The following ZNF608 variants were observed in gnomAD, a reference collection of about 807,000 sequenced individuals.
ZNF608 encodes the protein zinc finger protein 608.
ZNF608 carries 12 observed loss-of-function variants against 109.0 expected under a neutral mutation model. That is an observed-to-expected ratio of 0.11 (90% CI 0.07 to 0.18). The LOEUF is 0.18. ZNF608 is among the 10% of genes least tolerant of loss of function. The pLI is 1.00. For synonymous variants in ZNF608, 732 were observed against 717.4 expected (o/e 1.02, Z -0.33); for missense variants, 1,707 against 1,879.3 (o/e 0.91, Z 1.70).
At chr5:124,739,074 G>T (rs1267775525) in intron 2 of ZNF608, among the ~76,000 whole-genome samples, 1 of 152,096 alleles carries the variant, frequency 6.6e-6, no homozygotes, top group East Asian at 1.9e-4. Flanking sequence ...CACAACCAGG[G>T]GTCCCTTTCT....
chr5:124,703,611 T>A (rs7711808), intron 2 of ZNF608, among the ~76,000 whole-genome samples: 88,574 of 151,814 alleles, frequency 0.58, 27,197 homozygotes, highest in East Asian at 0.81. Context: ...TATAAAAAAG[T>A]ATTTAAAAAT....
At chr5:124,736,058 T>A (rs1323137646) in intron 2 of ZNF608, among the ~76,000 whole-genome samples, 1 of 151,788 alleles carries the variant, frequency 6.6e-6, no homozygotes, top group Admixed American at 6.6e-5. Flanking sequence ...AAAAAACATG[T>A]TTAATCACCA....
At chr5:124,710,045 C>A in intron 2 of ZNF608, 1 of 258,756 alleles carries the variant, frequency 3.9e-6, no homozygotes, top group Non-Finnish European at 7.8e-6. Flanking sequence ...GCCAATAAAT[C>A]AATTTCAAAA....
chr5:124,736,691 T>C (rs1749169401), intron 2 of ZNF608, among the ~76,000 whole-genome samples: 1 of 151,992 alleles, frequency 6.6e-6, no homozygotes, highest in Non-Finnish European at 1.5e-5. Context: ...GACAAAAAGG[T>C]ATACCAAAAG....
At position 124,637,889 on chromosome 5, in the gene ZNF608, G is replaced by C. The variant is rs1750046657; in HGVS notation, c.*11C>G. On this transcript the variant is annotated 3_prime_UTR_variant, in exon 10 of 10. Coordinates refer to ENST00000513986, the MANE Select transcript of ZNF608 (RefSeq NM_020747.3). ...GATCCAGTCACATGACAATGTACAT[G>C]TCCAATCTTGTTATTCTCTGCAAAA... 1.2e-6 allele frequency: 2 copies of C among 1,610,964 alleles called. No homozygotes were observed. Among genetic ancestry groups the C allele is most frequent in the African/African-American group, 2.7e-5 (2 of 74,756 alleles).
chr5:124,700,182 C>A (rs1752996387), intron 3 of ZNF608, among the ~76,000 whole-genome samples: 1 of 152,188 alleles, frequency 6.6e-6, no homozygotes, highest in African/African-American at 2.4e-5. Flanking sequence ...TCTACTCACT[C>A]CCCAATGGAG....
In ZNF608 at chr5:124,647,108, C is replaced by T; in HGVS notation, c.3276G>A (p.Lys1092=). Residue 1092 remains lysine, a synonymous_variant, in exon 5 of 10, where the codon AAG becomes AAA. Coordinates refer to ENST00000513986, the MANE Select transcript of ZNF608 (RefSeq NM_020747.3). ...AGGCAGGGCTGGTGGCCATCAGAGA[C>T]TTCTGGTCCATATAGAGCCCATATG... The part of the protein sequence containing the change: ...QYAYGLYMDQ[K]SLMATSPAYR... The T allele has an allele frequency of 1.2e-6, 2 of 1,614,192 alleles. No individual in the cohort carries two copies. The highest frequency in any genetic ancestry group is 1.7e-6 in the Non-Finnish European group (2 of 1,180,038).
intron 2 of ZNF608, among the ~76,000 whole-genome samples, chr5:124,716,057 G>A (rs1158581657): frequency 2.0e-5 from 3 of 150,704 alleles, no homozygotes; most frequent in Non-Finnish European, 4.4e-5. Flanking sequence ...GCAGGAGAAT[G>A]GCCTGAACCC....
upstream of ZNF608, among the ~76,000 whole-genome samples, chr5:124,747,879 G>C (rs546474627): frequency 6.6e-6 from 1 of 152,208 alleles, no homozygotes; most frequent in Non-Finnish European, 1.5e-5. Flanking sequence ...TGGATTTTAG[G>C]GACCCCCACT....
At chr5:124,685,911 A>AAATCACCATCGG in intron 3 of ZNF608, among the ~76,000 whole-genome samples, 1 of 152,344 alleles carries the variant, frequency 6.6e-6, no homozygotes, top group Non-Finnish European at 1.5e-5. Flanking sequence ...TGGTGATGCT[A>AAATCACCATCGG]AATCACAGCC....
chr5:124,638,540 G>C (rs1454537335), intron 9 of ZNF608, among the ~76,000 whole-genome samples: 1 of 152,108 alleles, frequency 6.6e-6, no homozygotes, highest in Non-Finnish European at 1.5e-5. Flanking sequence ...TACAGGCATG[G>C]GCCATCATGC....
chr5:124,734,458 C>A (rs1749050142), intron 2 of ZNF608, among the ~76,000 whole-genome samples: 1 of 152,096 alleles, frequency 6.6e-6, no homozygotes, highest in Admixed American at 6.6e-5. Flanking sequence ...GTGATGATCA[C>A]CCTCTATACA....
Position 124,694,288 on chromosome 5 carries a change from C to G in ZNF608, c.1162+6726G>C, listed in dbSNP as rs549924468. ...TATTACAGGCTTGAGCCACTGCGCC[C>G]GGCCCTCATTAATCTTAAAATGAAA... On this transcript the variant is annotated intron_variant, in intron 3 of 9. Coordinates refer to ENST00000513986, the MANE Select transcript of ZNF608 (RefSeq NM_020747.3). Among the ~76,000 whole-genome samples the G allele has an allele frequency of 6.0e-5, 9 of 151,244 alleles. No homozygotes were observed. In the East Asian group the frequency reaches 1.4e-3, roughly 23 times the overall value.
intron 2 of ZNF608, among the ~76,000 whole-genome samples, chr5:124,741,713 T>A (rs1006651835): frequency 6.6e-6 from 1 of 152,172 alleles, no homozygotes; most frequent in African/African-American, 2.4e-5. Context: ...ATGCAACCAC[T>A]AGTTAGTGGA....
At chr5:124,660,607 C>T (rs942572110) in intron 3 of ZNF608, among the ~76,000 whole-genome samples, 1 of 152,210 alleles carries the variant, frequency 6.6e-6, no homozygotes, top group Non-Finnish European at 1.5e-5. Flanking sequence ...CAGAGGCAGA[C>T]TCACCTGTTC....
chr5:124,656,384 G>A lies in ZNF608; in HGVS notation c.1163-6687C>T, dbSNP rs375551040. Reference sequence around the variant, plus strand: ...GTTTGGATAGATCTTCTCTGTCAGCGGCTGGAATATGTTGGCATCACTCTA... The same window carrying A: ...GTTTGGATAGATCTTCTCTGTCAGCAGCTGGAATATGTTGGCATCACTCTA... On this transcript the variant is annotated intron_variant, in intron 3 of 9. Coordinates refer to ENST00000513986, the MANE Select transcript of ZNF608 (RefSeq NM_020747.3). Among the ~76,000 whole-genome samples the A allele has an allele frequency of 7.9e-4, 121 of 152,252 alleles. 2 individuals are homozygous for A. The highest frequency in any genetic ancestry group is 1.5e-3 in the Non-Finnish European group (101 of 68,006).
chr5:124,681,692 T>C (rs909817353), intron 3 of ZNF608, among the ~76,000 whole-genome samples: 2 of 152,158 alleles, frequency 1.3e-5, no homozygotes, highest in Admixed American at 6.5e-5. Context: ...GTGGCTGTAG[T>C]GTACTAGGAC....
chr5:124,690,735 C>G (rs1752585288), intron 3 of ZNF608, among the ~76,000 whole-genome samples: 1 of 151,700 alleles, frequency 6.6e-6, no homozygotes, highest in South Asian at 2.1e-4. Context: ...GAACTAAAGA[C>G]ACTAAGACAA....
At chr5:124,685,338 A>G (rs994765718) in intron 3 of ZNF608, among the ~76,000 whole-genome samples, 7 of 152,140 alleles carry the variant, frequency 4.6e-5, no homozygotes, top group Admixed American at 3.3e-4. Context: ...TAAACGGGGG[A>G]ATGACATAAA....
Sources: allele counts gnomAD v4.1 joint callset (sites outside exome capture counted in the v4.1 genomes callset), GRCh38; gene constraint gnomAD v4.1.1; transcripts MANE v1.5; gene names NCBI Gene and HGNC (gene_info 2026-07-23, HGNC 2026-07-21).